Variants in MICAL2 observed in about 807,000 individuals in gnomAD.
MICAL2 encodes the protein [F-actin]-monooxygenase MICAL2.
In MICAL2, 77 loss-of-function variants were observed where a neutral mutation model predicts 127.3. That is an observed-to-expected ratio of 0.60 (90% confidence interval 0.50 to 0.73). The LOEUF is 0.73. MICAL2 is among the 30% of genes least tolerant of loss of function. MICAL2 has a pLI of 0.00. For synonymous variants in MICAL2, 570 were observed against 551.1 expected (o/e 1.03, Z -0.48); for missense variants, 1,351 against 1,434.4 (o/e 0.94, Z 0.94).
intron 2 of MICAL2, among the ~76,000 whole-genome samples, chr11:12,283,378 C>T (rs1346488137): frequency 6.7e-6 from 1 of 149,150 alleles, no homozygotes. Flanking sequence ...TACGTTGGTC[C>T]AGCCATGCTC....
At chr11:12,189,528 C>T (rs1565127171) in intron 3 of MICAL2, among the ~76,000 whole-genome samples, 1 of 152,140 alleles carries the variant, frequency 6.6e-6, no homozygotes. Context: ...TTTCCAAATG[C>T]CCTATTTCCC....
At chr11:12,187,667 T>G (rs921590030) in intron 3 of MICAL2, among the ~76,000 whole-genome samples, 5 of 152,222 alleles carry the variant, frequency 3.3e-5, no homozygotes, top group Non-Finnish European at 2.9e-5. Flanking sequence ...TGTCAGCAGC[T>G]GCTGGTGGAG....
At chr11:12,342,668 G>A (rs1000198733) in intron 32 of MICAL2, among the ~76,000 whole-genome samples, 3 of 152,218 alleles carry the variant, frequency 2.0e-5, no homozygotes, top group African/African-American at 2.4e-5. Context: ...CAAGCACAAT[G>A]CTAAGCATTT....
chr11:12,169,268 G>A (rs1264320327), intron 3 of MICAL2, among the ~76,000 whole-genome samples: 2 of 152,068 alleles, frequency 1.3e-5, no homozygotes, highest in East Asian at 3.9e-4. Flanking sequence ...TTTTTTCACT[G>A]AAAAATATAT....
At chr11:12,249,282 C>G (rs1861215095) in intron 22 of MICAL2, 36 bp downstream of exon 22, 5 of 1,252,246 alleles carry the variant, frequency 4.0e-6, no homozygotes, top group Non-Finnish European at 5.9e-6. Flanking sequence ...AGCTGCCTCA[C>G]CTGCAAAGGG....
At chr11:12,190,532 C>G (rs937028104) in intron 3 of MICAL2, among the ~76,000 whole-genome samples, 1 of 152,150 alleles carries the variant, frequency 6.6e-6, no homozygotes, top group Non-Finnish European at 1.5e-5. Context: ...GCTTTGATTC[C>G]TTTTCTCCCC....
chr11:12,338,764 A>T (rs1938810445), intron 32 of MICAL2, among the ~76,000 whole-genome samples: 1 of 152,184 alleles, frequency 6.6e-6, no homozygotes, highest in Non-Finnish European at 1.5e-5. Context: ...CTTTTCTTTA[A>T]GAATGTTGAA....
At chr11:12,323,500 C>T (rs939890166) in intron 30 of MICAL2, among the ~76,000 whole-genome samples, 2 of 152,046 alleles carry the variant, frequency 1.3e-5, no homozygotes, top group African/African-American at 2.4e-5. Context: ...CTCCCAAGCC[C>T]CTCATCCCTG....
chr11:12,361,756 T>G (rs1192074114), downstream of MICAL2, among the ~76,000 whole-genome samples: 1 of 152,234 alleles, frequency 6.6e-6, no homozygotes, highest in Non-Finnish European at 1.5e-5. Context: ...AGTGTCTCTC[T>G]TCCCAGGAAG....
chr11:12,274,895 G>T (rs1050151874), upstream of MICAL2, among the ~76,000 whole-genome samples: 1 of 152,040 alleles, frequency 6.6e-6, no homozygotes, highest in Non-Finnish European at 1.5e-5. Flanking sequence ...TGGCTGCTGT[G>T]TTGAGAATAG....
chr11:12,245,006 G>A (rs942161003), intron 21 of MICAL2, among the ~76,000 whole-genome samples: 2 of 152,230 alleles, frequency 1.3e-5, no homozygotes, highest in Non-Finnish European at 2.9e-5. Context: ...TTAATGAAAT[G>A]CACTCACAAA....
chr11:12,319,457 T>TTC (rs1352183986), intron 29 of MICAL2, among the ~76,000 whole-genome samples: 1 of 151,624 alleles, frequency 6.6e-6, no homozygotes, highest in Non-Finnish European at 1.5e-5. Context: ...CTTTTTTTTT[T>TTC]TTAATGTGAA....
At chr11:12,325,212 C>A (rs889196726) in intron 31 of MICAL2, among the ~76,000 whole-genome samples, 1 of 152,108 alleles carries the variant, frequency 6.6e-6, no homozygotes, top group East Asian at 1.9e-4. Flanking sequence ...TAGGTTCAAG[C>A]GATTCTCTTG....
At chr11:12,361,410 A>G (rs1939202563), downstream of MICAL2, among the ~76,000 whole-genome samples, 1 of 152,232 alleles carries the variant, frequency 6.6e-6, no homozygotes, top group Non-Finnish European at 1.5e-5. Flanking sequence ...AGAAATAGGT[A>G]CCATCCCCAA....
chr11:12,140,450 A>T (rs1412543121), intron 2 of MICAL2, among the ~76,000 whole-genome samples: 1 of 150,866 alleles, frequency 6.6e-6, no homozygotes, highest in Non-Finnish European at 1.5e-5. Flanking sequence ...AGGGCCTGAG[A>T]CCTAAGAGGA....
intron 15 of MICAL2, among the ~76,000 whole-genome samples, chr11:12,234,138 C>T (rs1012657908): frequency 6.6e-6 from 1 of 152,178 alleles, no homozygotes; most frequent in African/African-American, 2.4e-5. Context: ...CTGGTGGGCA[C>T]GGCCTCCCCA....
At chr11:12,217,292 C>A (rs1197596744) in intron 8 of MICAL2, among the ~76,000 whole-genome samples, 3 of 152,210 alleles carry the variant, frequency 2.0e-5, no homozygotes, top group Non-Finnish European at 4.4e-5. Context: ...TATCTTCTTT[C>A]CTGCGTGTGC....
At chr11:12,189,604 C>T (rs559954668) in intron 3 of MICAL2, among the ~76,000 whole-genome samples, 2 of 152,358 alleles carry the variant, frequency 1.3e-5, no homozygotes, top group South Asian at 4.1e-4. Flanking sequence ...ACCCCCACTA[C>T]CTCCACCACC....
At chr11:12,262,559 T>G (rs764049185) in intron 27 of MICAL2, 22 bp downstream of exon 27, 1 of 1,596,010 alleles carries the variant, frequency 6.3e-7, no homozygotes, top group South Asian at 1.1e-5. Flanking sequence ...TCTTGCCAAT[T>G]TTCAAAGAGT....
Sources: allele counts gnomAD v4.1 joint callset (sites outside exome capture counted in the v4.1 genomes callset), GRCh38; gene constraint gnomAD v4.1.1; transcripts MANE v1.5; gene names NCBI Gene and HGNC (gene_info 2026-07-23, HGNC 2026-07-21).